SUCLA2: variants seen among roughly 807,000 people sequenced by gnomAD.
The protein encoded by SUCLA2 is succinate-CoA ligase ADP-forming subunit beta.
In SUCLA2, 30 loss-of-function variants were observed where a neutral mutation model predicts 54.8. The ratio of observed to expected loss-of-function variants is 0.55; its 90% CI spans 0.41 to 0.74. SUCLA2 has a LOEUF of 0.74. SUCLA2 is among the 30% of genes least tolerant of loss of function. The pLI is 0.00. For synonymous variants in SUCLA2, 172 were observed against 188.9 expected, an observed-to-expected ratio of 0.91 and a Z score of 0.74; for missense variants, 476 against 562.9, an observed-to-expected ratio of 0.85 and a Z score of 1.56.
At chr13:48,000,982 T>A (rs1468601082) in intron 1 of SUCLA2, 198 bp downstream of exon 1, 1 of 1,428,174 alleles carries the variant, frequency 7.0e-7, no homozygotes, top group Non-Finnish European at 9.2e-7. Flanking sequence ...GACTAAGGGC[T>A]GGGTCAGAGC....
At chr13:47,994,045 C>T (rs545115818) in intron 2 of SUCLA2, among the ~76,000 whole-genome samples, 89 of 127,264 alleles carry the variant, frequency 7.0e-4, no homozygotes, top group African/African-American at 2.1e-3. Flanking sequence ...GCAACAAGAA[C>T]GAAACTCCGT....
At chr13:47,983,863 G>A (rs1405425115) in intron 4 of SUCLA2, among the ~76,000 whole-genome samples, 2 of 151,866 alleles carry the variant, frequency 1.3e-5, no homozygotes, top group Non-Finnish European at 2.9e-5. Context: ...AAGGCAACAC[G>A]AGGAGAAAAG....
At chr13:47,963,717 T>G (rs563827076) in intron 6 of SUCLA2, among the ~76,000 whole-genome samples, 2 of 152,158 alleles carry the variant, frequency 1.3e-5, no homozygotes, top group East Asian at 3.9e-4. Context: ...AACATATACA[T>G]ACACATACAC....
intron 8 of SUCLA2, among the ~76,000 whole-genome samples, chr13:47,951,899 C>A (rs1000416218): frequency 2.6e-5 from 4 of 151,214 alleles, no homozygotes; most frequent in Admixed American, 1.3e-4. Context: ...TCTTCTTGAT[C>A]TTCTAAACAA....
intron 4 of SUCLA2, among the ~76,000 whole-genome samples, chr13:47,986,069 C>T (rs1208583498): frequency 2.4e-5 from 3 of 123,028 alleles, no homozygotes; most frequent in African/African-American, 9.2e-5. Context: ...CTTACTCTGT[C>T]GCCCAGACGG....
chr13:47,980,519 A>C (rs1277301067), intron 4 of SUCLA2, among the ~76,000 whole-genome samples: 1 of 152,170 alleles, frequency 6.6e-6, no homozygotes. Flanking sequence ...TGTGCATACT[A>C]CCCTAAGCAA....
intron 5 of SUCLA2, among the ~76,000 whole-genome samples, chr13:47,971,026 A>C (rs1000025556): frequency 6.6e-6 from 1 of 151,586 alleles, no homozygotes; most frequent in Admixed American, 6.6e-5. Context: ...ACAGAGCGAG[A>C]CTCCGTCTCA....
At chr13:47,956,318 T>TG (rs1485327431) in intron 6 of SUCLA2, among the ~76,000 whole-genome samples, 1 of 151,922 alleles carries the variant, frequency 6.6e-6, no homozygotes, top group Non-Finnish European at 1.5e-5. Context: ...AGACTGGTGA[T>TG]GGGTCAGTGA....
rs147015341 is a variant in SUCLA2, at chr13:47,953,053, G to A, written c.1107+1087C>T. Among the ~76,000 whole-genome samples, 899 of 152,174 alleles carry A rather than the reference G, an allele frequency of 5.9e-3. 12 individuals carry two copies. The highest frequency in any genetic ancestry group is 0.02 in the African/African-American group (814 of 41,500). On this transcript the variant is annotated intron_variant, in intron 8 of 10. Coordinates refer to ENST00000646932, the MANE Select transcript of SUCLA2 (RefSeq NM_003850.3). ...GTCAATCACCCCAGTAAAACTATAAGTAACTTAAGAGAAGGGCCCATGTAT... is the reference window on the plus strand; with the variant it reads ...GTCAATCACCCCAGTAAAACTATAAATAACTTAAGAGAAGGGCCCATGTAT...
intron 2 of SUCLA2, among the ~76,000 whole-genome samples, chr13:47,996,276 T>C (rs1437552634): frequency 6.7e-6 from 1 of 149,830 alleles, no homozygotes; most frequent in East Asian, 1.9e-4. Context: ...TGAGCCAGGA[T>C]TGCACCATTG....
At chr13:47,943,781 T>TA (rs879516106) in intron 10 of SUCLA2, among the ~76,000 whole-genome samples, 13,831 of 147,354 alleles carry the variant, frequency 0.094, 797 homozygotes, top group South Asian at 0.18. Context: ...TATATATATA[T>TA]TATTCTAAAT....
At chr13:47,972,851 G>A (rs1289606793) in intron 5 of SUCLA2, among the ~76,000 whole-genome samples, 1 of 147,774 alleles carries the variant, frequency 6.8e-6, no homozygotes, top group African/African-American at 2.5e-5. Context: ...GGGTTCAAGC[G>A]ATTCTTCTGC....
chr13:47,967,855 A>C (rs1949932194), intron 6 of SUCLA2, among the ~76,000 whole-genome samples: 1 of 151,936 alleles, frequency 6.6e-6, no homozygotes, highest in African/African-American at 2.4e-5. Context: ...TCTCAAAAAA[A>C]AAAAAAAAAA....
intron 8 of SUCLA2, among the ~76,000 whole-genome samples, chr13:47,953,767 A>G (rs1949794789): frequency 1.3e-5 from 2 of 151,932 alleles, no homozygotes; most frequent in Admixed American, 1.3e-4. Context: ...CTTTTTTGTA[A>G]GCCTTACAAA....
chr13:48,001,207 A>T lies in SUCLA2; in HGVS notation c.63T>A (p.Pro21=). 6.2e-7 allele frequency: 1 copy of T among 1,609,522 alleles called. No homozygotes were observed. The highest frequency in any genetic ancestry group is 8.5e-7 in the Non-Finnish European group (1 of 1,178,690). ...VAVATLRNHR[P]RTAQRAAAQV... is the part of the protein sequence containing the mutation. ...GAGCAGCAGCCCGCTGGGCCGTCCG[A>T]GGCCGGTGGTTCCGAAGGGTGGCCA... The change falls in exon 1 of 11, where the codon CCT becomes CCA. Residue 21 remains proline, a synonymous_variant. Transcript: ENST00000646932.
intron 2 of SUCLA2, among the ~76,000 whole-genome samples, chr13:47,990,070 CG>C (rs1449194178): frequency 6.6e-6 from 1 of 152,076 alleles, no homozygotes; most frequent in Admixed American, 6.6e-5. Context: ...TAAATGGGCC[CG>C]GTGCGGTGGC....
intron 1 of SUCLA2, among the ~76,000 whole-genome samples, chr13:47,997,294 T>C (rs976991555): frequency 2.6e-5 from 4 of 152,202 alleles, no homozygotes; most frequent in African/African-American, 9.7e-5. Flanking sequence ...ACAGGGCAGT[T>C]CTACCTCAAT....
chr13:48,000,896 T>A, intron 1 of SUCLA2: 1 of 1,322,212 alleles, frequency 7.6e-7, no homozygotes, highest in Non-Finnish European at 9.7e-7. Context: ...TCACCTCCAC[T>A]CAGAGCCCAC....
intron 6 of SUCLA2, among the ~76,000 whole-genome samples, chr13:47,960,619 T>TA (rs973430753): frequency 6.6e-6 from 1 of 152,086 alleles, no homozygotes; most frequent in Non-Finnish European, 1.5e-5. Context: ...TTAAGGAAAT[T>TA]ATATTGATTA....
Sources: gnomAD v4.1 joint callset for allele counts (sites outside exome capture counted in the v4.1 genomes callset) on GRCh38, gnomAD v4.1.1 for gene constraint, MANE v1.5 for transcripts, NCBI Gene and HGNC (gene_info 2026-07-23, HGNC 2026-07-21) for gene names.